The following SUPT3H variants were observed in gnomAD, a reference collection of about 807,000 sequenced individuals.
The protein encoded by SUPT3H is transcription initiation protein SPT3 homolog.
In SUPT3H, 44 loss-of-function variants were observed where a neutral mutation model predicts 44.3. The observed-to-expected ratio is 0.99, with a 90% CI of 0.78 to 1.28. The LOEUF is 1.28. Among genes scored for constraint, SUPT3H ranks in the 50% most tolerant of loss-of-function variants. The probability of loss-of-function intolerance (pLI) is 0.00; values close to 1 mark genes in which losing one functional copy is unlikely to be tolerated. For synonymous variants in SUPT3H, 124 were observed against 125.6 expected (o/e 0.99, Z 0.09); for missense variants, 380 against 387.1 (o/e 0.98, Z 0.15).
chr6:44,878,086 A>G (rs2153433374), intron 10 of SUPT3H, among the ~76,000 whole-genome samples: 1 of 152,344 alleles, frequency 6.6e-6, no homozygotes, highest in Middle Eastern at 3.4e-3. Flanking sequence ...ACATGGGCCA[A>G]ACACTGAACC....
intron 2 of SUPT3H, among the ~76,000 whole-genome samples, chr6:45,133,836 A>C (rs1803861434): frequency 6.6e-6 from 1 of 152,224 alleles, no homozygotes; most frequent in Non-Finnish European, 1.5e-5. Context: ...GCACATGAAC[A>C]GGGAGTGCCA....
At chr6:44,814,970 C>T (rs192997244) in intron 11 of SUPT3H, among the ~76,000 whole-genome samples, 162 of 152,168 alleles carry the variant, frequency 1.1e-3, no homozygotes, top group African/African-American at 3.7e-3. Flanking sequence ...AGCCACCACG[C>T]CCGGCCTCAA....
intron 2 of SUPT3H, among the ~76,000 whole-genome samples, chr6:45,256,065 G>A (rs1376441103): frequency 6.6e-6 from 1 of 152,170 alleles, no homozygotes; most frequent in African/African-American, 2.4e-5. Context: ...CAGCTACTCA[G>A]GAGGCTGAGG....
intron 2 of SUPT3H, among the ~76,000 whole-genome samples, chr6:45,141,437 AG>A (rs756376580): frequency 7.3e-5 from 11 of 151,626 alleles, no homozygotes; most frequent in Non-Finnish European, 1.0e-4. Flanking sequence ...AACTTAAATA[AG>A]TTTTTTTTAA....
At chr6:44,988,526 A>T (rs1036899409) in intron 6 of SUPT3H, among the ~76,000 whole-genome samples, 1 of 148,724 alleles carries the variant, frequency 6.7e-6, no homozygotes, top group African/African-American at 2.4e-5. Flanking sequence ...AAATAAAAAA[A>T]AAAAAAAAAA....
rs557467663 is a variant in SUPT3H at position 44,860,930 on chromosome 6, G to A, written c.913-31073C>T. On this transcript the variant is annotated intron_variant, in intron 10 of 10. Transcript: ENST00000371459. The stretch of plus-strand genomic sequence containing the variant: ...ACCTGCATAAGAGTGAGGAATTTCT[G>A]TATTAAACAGTAAAAGTTTTCTTTT... Among the ~76,000 whole-genome samples the A allele has an allele frequency of 2.6e-5, 4 of 152,052 alleles. No homozygotes were observed. The East Asian group carries it at 7.7e-4, about 29-fold the overall frequency.
intron 1 of SUPT3H, among the ~76,000 whole-genome samples, chr6:45,370,124 T>C (rs894203151): frequency 5.9e-5 from 9 of 152,222 alleles, no homozygotes; most frequent in African/African-American, 9.6e-5. Flanking sequence ...ATATACTATA[T>C]GGAAGCAAGA....
intron 2 of SUPT3H, among the ~76,000 whole-genome samples, chr6:45,177,164 AC>A (rs994669617): frequency 6.6e-6 from 1 of 152,166 alleles, no homozygotes; most frequent in Non-Finnish European, 1.5e-5. Flanking sequence ...GAAGTTGAAA[AC>A]TTTGAAAAAA....
intron 2 of SUPT3H, among the ~76,000 whole-genome samples, chr6:45,155,537 C>T (rs1432045263): frequency 6.6e-6 from 1 of 152,096 alleles, no homozygotes; most frequent in East Asian, 1.9e-4. Flanking sequence ...TCCTTATCTC[C>T]TCAGGAGTTA....
chr6:44,902,740 C>T (rs998854018), intron 10 of SUPT3H, among the ~76,000 whole-genome samples: 1 of 152,166 alleles, frequency 6.6e-6, no homozygotes, highest in Admixed American at 6.5e-5. Context: ...CTTCTCAGCA[C>T]CACACTGCAC....
chr6:45,306,690 C>T (rs1177893158), intron 2 of SUPT3H, among the ~76,000 whole-genome samples: 1 of 152,220 alleles, frequency 6.6e-6, no homozygotes, highest in African/African-American at 2.4e-5. Context: ...CAGCTCCAGT[C>T]TACAGCTCCC....
intron 5 of SUPT3H, 88 bp from the exon 6 acceptor site, chr6:45,003,880 C>T: frequency 2.2e-6 from 3 of 1,378,930 alleles, no homozygotes; most frequent in Non-Finnish European, 2.9e-6. Context: ...ATATAGTATA[C>T]CAAATTCAGA....
rs1269949323 is a variant in SUPT3H, at chr6:45,093,115, A to G, written c.186+12807T>C. ...ACATCGCAATGGATGTGAAGAGTTCATATCAGAATCTAAAGGGATAAAAAT... is the reference window on the plus strand; with the variant it reads ...ACATCGCAATGGATGTGAAGAGTTCGTATCAGAATCTAAAGGGATAAAAAT... On this transcript the variant is annotated intron_variant, in intron 3 of 10. Coordinates refer to ENST00000371459, the MANE Select transcript of SUPT3H (RefSeq NM_003599.4). Among the ~76,000 whole-genome samples the G allele has an allele frequency of 5.3e-5, 8 of 152,172 alleles. No homozygotes were observed. The East Asian group carries it at 7.7e-4, about 15-fold the overall frequency.
chr6:44,832,441 T>C (rs1768983304), intron 10 of SUPT3H, among the ~76,000 whole-genome samples: 1 of 152,102 alleles, frequency 6.6e-6, no homozygotes, highest in Admixed American at 6.6e-5. Flanking sequence ...GAGTCAGGAC[T>C]TCCACCCACT....
At chr6:45,073,975 T>C (rs1583402094) in intron 3 of SUPT3H, among the ~76,000 whole-genome samples, 2 of 152,018 alleles carry the variant, frequency 1.3e-5, no homozygotes, top group African/African-American at 4.8e-5. Flanking sequence ...AGACACAGCT[T>C]AGTGATTCAC....
At chr6:45,193,021 C>T (rs1057359185) in intron 2 of SUPT3H, among the ~76,000 whole-genome samples, 1 of 152,096 alleles carries the variant, frequency 6.6e-6, no homozygotes, top group Non-Finnish European at 1.5e-5. Flanking sequence ...CTGTAGAAAC[C>T]AGGACAAAAA....
At chr6:45,198,843 A>C (rs1816524724) in intron 2 of SUPT3H, among the ~76,000 whole-genome samples, 1 of 151,330 alleles carries the variant, frequency 6.6e-6, no homozygotes, top group Non-Finnish European at 1.5e-5. Flanking sequence ...TAAATGTACT[A>C]ACTTCTAATC....
chr6:45,052,946 A>C (rs981262910), intron 3 of SUPT3H, among the ~76,000 whole-genome samples: 27 of 152,028 alleles, frequency 1.8e-4, no homozygotes, highest in Admixed American at 5.9e-4. Flanking sequence ...GTGAGAGAGG[A>C]AAAAGGAAGA....
At chr6:45,308,482 A>G (rs1395298319) in intron 2 of SUPT3H, among the ~76,000 whole-genome samples, 1 of 152,202 alleles carries the variant, frequency 6.6e-6, no homozygotes, top group Non-Finnish European at 1.5e-5. Flanking sequence ...AGAATTGCAT[A>G]TCCAGCCAAA....
Sources: gnomAD v4.1 joint callset for allele counts (sites outside exome capture counted in the v4.1 genomes callset) on GRCh38, gnomAD v4.1.1 for gene constraint, MANE v1.5 for transcripts, NCBI Gene and HGNC (gene_info 2026-07-23, HGNC 2026-07-21) for gene names.